PDE1A: variants seen among roughly 807,000 people sequenced by gnomAD.
PDE1A encodes phosphodiesterase 1A.
Under a neutral mutation model 61.7 loss-of-function variants are expected in PDE1A, and 35 were observed. The ratio of observed to expected loss-of-function variants is 0.57; its 90% CI spans 0.43 to 0.75. The LOEUF is 0.75. PDE1A is among the 30% of genes least tolerant of loss of function. PDE1A has a pLI of 0.00. For missense variants in PDE1A, 597 were observed against 630.6 expected (o/e 0.95, Z 0.57); for synonymous variants, 232 against 213.2 (o/e 1.09, Z -0.77).
exon 13 of PDE1A, chr2:182,186,012 T>C: frequency 6.2e-7 from 1 of 1,614,094 alleles, no homozygotes; most frequent in Non-Finnish European, 8.5e-7. Flanking sequence ...GACCCATCAC[T>C]CATGGAGCCT....
chr2:182,331,094 C>A (rs1332589929), intron 1 of PDE1A, among the ~76,000 whole-genome samples: 1 of 152,150 alleles, frequency 6.6e-6, no homozygotes, highest in Non-Finnish European at 1.5e-5. Context: ...TATTTTGTAT[C>A]CCCACTGACC....
At chr2:182,443,549 CTCTG>C (rs1684929297) in intron 2 of PDE1A, among the ~76,000 whole-genome samples, 1 of 151,946 alleles carries the variant, frequency 6.6e-6, no homozygotes. Flanking sequence ...TCCTCCTTTG[CTCTG>C]TCTCTCTCCT....
intron 2 of PDE1A, among the ~76,000 whole-genome samples, chr2:182,508,747 TTTTATTTTTATTTTTTAAAGCTTGTTG>T (rs1388084813): frequency 6.7e-6 from 1 of 150,238 alleles, no homozygotes; most frequent in East Asian, 1.9e-4. Context: ...TTTATTTTTT[TTTTATTTTTATTTTTTAAAGCTTGTTG>T]ATTATTTTTA....
the PDE1A span, among the ~76,000 whole-genome samples, chr2:182,698,673 C>T: frequency 3.3e-5 from 5 of 152,108 alleles, no homozygotes; most frequent in Admixed American, 6.5e-5. Flanking sequence ...ATTATATTAG[C>T]GTGGCAAATA....
At chr2:182,583,687 T>G in the PDE1A span, among the ~76,000 whole-genome samples, 2 of 152,232 alleles carry the variant, frequency 1.3e-5, no homozygotes, top group Non-Finnish European at 2.9e-5. Flanking sequence ...CTTCCTTGCC[T>G]GTTTAACTTT....
chr2:182,671,550 C>A, the PDE1A span, among the ~76,000 whole-genome samples: 1 of 150,244 alleles, frequency 6.7e-6, no homozygotes, highest in African/African-American at 2.4e-5. Context: ...CTGATAGGTA[C>A]ATTTCTTGAC....
At chr2:182,433,036 T>G (rs1413478034) in intron 2 of PDE1A, among the ~76,000 whole-genome samples, 3 of 152,078 alleles carry the variant, frequency 2.0e-5, no homozygotes, top group Non-Finnish European at 2.9e-5. Flanking sequence ...ATTGAGGCTA[T>G]TAAACCTTTG....
chr2:182,218,708 A>T (rs921963904), intron 7 of PDE1A, among the ~76,000 whole-genome samples: 1 of 152,162 alleles, frequency 6.6e-6, no homozygotes, highest in Non-Finnish European at 1.5e-5. Flanking sequence ...TTCTGCATTT[A>T]TTGATAAGAT....
intron 1 of PDE1A, among the ~76,000 whole-genome samples, chr2:182,334,907 T>A (rs542833283): frequency 2.0e-5 from 3 of 152,292 alleles, no homozygotes; most frequent in African/African-American, 7.2e-5. Flanking sequence ...CCCCTTAAGC[T>A]GATGAGCAAC....
At chr2:182,439,520 C>T (rs1361942366) in intron 2 of PDE1A, among the ~76,000 whole-genome samples, 1 of 151,810 alleles carries the variant, frequency 6.6e-6, no homozygotes, top group Non-Finnish European at 1.5e-5. Context: ...GTGGAGAGGG[C>T]GTCAAGTGGA....
intron 1 of PDE1A, among the ~76,000 whole-genome samples, chr2:182,326,794 T>TA (rs201494084): frequency 0.016 from 2,439 of 152,212 alleles, 70 homozygotes; most frequent in African/African-American, 0.056. Context: ...AAGCCCTGAA[T>TA]AAAAAAAGTC....
At chr2:182,283,823 T>C (rs1196110665) in intron 1 of PDE1A, among the ~76,000 whole-genome samples, 1 of 152,082 alleles carries the variant, frequency 6.6e-6, no homozygotes, top group Non-Finnish European at 1.5e-5. Context: ...ATTAAATTAG[T>C]GGTTAGCTAG....
the PDE1A span, among the ~76,000 whole-genome samples, chr2:182,678,127 A>G: frequency 1.1e-4 from 16 of 152,316 alleles, no homozygotes; most frequent in Admixed American, 5.2e-4. Flanking sequence ...TAACGCCATT[A>G]AGAAAGAGAA....
At chr2:182,430,425 T>C (rs1175382292), upstream of PDE1A, among the ~76,000 whole-genome samples, 1 of 83,888 alleles carries the variant, frequency 1.2e-5, no homozygotes, top group Non-Finnish European at 2.4e-5. Flanking sequence ...TCACACCAGT[T>C]AGAATGGCAA....
At chr2:182,401,150 G>A (rs1375661827) in intron 1 of PDE1A, among the ~76,000 whole-genome samples, 1 of 152,036 alleles carries the variant, frequency 6.6e-6, no homozygotes, top group Non-Finnish European at 1.5e-5. Flanking sequence ...AGAAAAAGAG[G>A]GACTCTTCTC....
intron 2 of PDE1A, among the ~76,000 whole-genome samples, chr2:182,512,269 G>A (rs11887150): frequency 0.075 from 11,393 of 152,166 alleles, 1,399 homozygotes; most frequent in African/African-American, 0.26. Context: ...AACCTCAAGG[G>A]GCCATAAAAC....
At chr2:182,347,708 G>A (rs976509657) in intron 1 of PDE1A, among the ~76,000 whole-genome samples, 4 of 152,018 alleles carry the variant, frequency 2.6e-5, no homozygotes, top group Non-Finnish European at 5.9e-5. Context: ...CATTTTCAAA[G>A]AAATTGCCAA....
chr2:182,592,335 G>A, the PDE1A span, among the ~76,000 whole-genome samples: 1 of 152,198 alleles, frequency 6.6e-6, no homozygotes, highest in Non-Finnish European at 1.5e-5. Flanking sequence ...TCATGCACAA[G>A]CATATTCATT....
chr2:182,302,521 C>T (rs1225963785), intron 1 of PDE1A, among the ~76,000 whole-genome samples: 2 of 152,224 alleles, frequency 1.3e-5, no homozygotes, highest in Non-Finnish European at 2.9e-5. Flanking sequence ...TCTTCTGAGC[C>T]TTTCAGCAAG....
Sources: gnomAD v4.1 joint callset for allele counts (sites outside exome capture counted in the v4.1 genomes callset) on GRCh38, gnomAD v4.1.1 for gene constraint, MANE v1.5 for transcripts, NCBI Gene and HGNC (gene_info 2026-07-23, HGNC 2026-07-21) for gene names.